The following TRPC5 variants were observed in gnomAD, a reference collection of about 807,000 sequenced individuals.
TRPC5 encodes the protein short transient receptor potential channel 5.
A neutral mutation model predicts 56.5 loss-of-function variants in TRPC5; 9 were observed. The ratio of observed to expected loss-of-function variants is 0.16; its 90% CI spans 0.10 to 0.28. The LOEUF is 0.28. Among genes scored for constraint, TRPC5 ranks in the 10% least tolerant of loss-of-function variants. TRPC5 has a pLI of 1.00. For synonymous variants in TRPC5, 282 were observed against 278.5 expected (o/e 1.01, Z -0.13); for missense variants, 469 against 748.9 (o/e 0.63, Z 4.36).
intron 2 of TRPC5, among the ~76,000 whole-genome samples, chrX:111,949,775 A>G (rs777008492): frequency 8.9e-6 from 1 of 112,070 alleles, no homozygotes; most frequent in South Asian, 3.7e-4. Flanking sequence ...CCACTATGGA[A>G]AACAGTGTGG....
At chrX:112,039,327 AC>A (rs1256920137) in intron 1 of TRPC5, among the ~76,000 whole-genome samples, 2 of 105,872 alleles carry the variant, frequency 1.9e-5, no homozygotes, top group Non-Finnish European at 3.9e-5. Flanking sequence ...ATTTGCTGCA[AC>A]CCCATTTTCT....
At chrX:111,923,984 T>C (rs1926193247) in intron 2 of TRPC5, among the ~76,000 whole-genome samples, 2 of 111,722 alleles carry the variant, frequency 1.8e-5, no homozygotes, top group Admixed American at 1.9e-4. Context: ...TATAAATCAA[T>C]GTGTGATTTT....
intron 1 of TRPC5, among the ~76,000 whole-genome samples, chrX:112,054,903 A>C (rs1341954218): frequency 1.8e-5 from 2 of 111,043 alleles, no homozygotes; most frequent in Admixed American, 1.9e-4. Flanking sequence ...TAGTTACCAT[A>C]GGACAGGATA....
rs751410674 is a variant in TRPC5 at position 111,912,412 on chromosome X, C to T, written c.779G>A (p.Arg260Gln). The stretch of plus-strand genomic sequence containing the variant: ...GATGATCTCCAGTTCCCTGGAGCTC[C>T]GAGCTTGGTCCAGCAGGTCTTTGGC... The part of the protein sequence containing the change: ...LFAKDLLDQA[R>Q]SSRELEIILN... Residue 260 changes from arginine to glutamine, a missense_variant, in exon 3 of 11, where the codon CGG (arginine) becomes CAG (glutamine). Physicochemically the swap from Arg to Gln is conservative, Grantham distance 43. This residue lies in a region of TRPC5 where 157 missense variants were observed against 360.0 expected (regional missense o/e 0.44). Transcript: ENST00000262839. 3.5e-5 allele frequency: 42 copies of T among 1,209,401 alleles called. No homozygotes were observed. The highest frequency in any genetic ancestry group is 3.4e-5 in the Non-Finnish European group (30 of 895,172).
At chrX:112,060,973 G>A (rs1177246852) in intron 1 of TRPC5, among the ~76,000 whole-genome samples, 2 of 112,203 alleles carry the variant, frequency 1.8e-5, no homozygotes, top group African/African-American at 3.2e-5. Context: ...CTTGGCTTTC[G>A]TCTGGACCCT....
At chrX:111,993,622 C>T (rs972371709) in intron 1 of TRPC5, among the ~76,000 whole-genome samples, 3 of 111,922 alleles carry the variant, frequency 2.7e-5, no homozygotes, top group Non-Finnish European at 5.6e-5. Flanking sequence ...TATCTCATTG[C>T]GGTTTTGATT....
At chrX:111,827,210 A>G (rs925585809) in intron 7 of TRPC5, among the ~76,000 whole-genome samples, 12 of 111,283 alleles carry the variant, frequency 1.1e-4, no homozygotes, top group African/African-American at 3.9e-4. Context: ...CCATCCTCAC[A>G]TTTCCAGCCT....
intron 1 of TRPC5, among the ~76,000 whole-genome samples, chrX:111,964,753 A>G (rs745656136): frequency 6.3e-5 from 7 of 111,369 alleles, no homozygotes; most frequent in African/African-American, 2.0e-4. Context: ...GAAATAAAAT[A>G]CTTTACAGAC....
At chrX:111,815,537 A>G (rs889773465) in intron 7 of TRPC5, among the ~76,000 whole-genome samples, 2 of 110,822 alleles carry the variant, frequency 1.8e-5, no homozygotes, top group Non-Finnish European at 3.8e-5. Flanking sequence ...CCTGACCAAC[A>G]TGGTGAAACC....
At chrX:112,059,133 T>C (rs1930405990) in intron 1 of TRPC5, among the ~76,000 whole-genome samples, 1 of 111,820 alleles carries the variant, frequency 8.9e-6, no homozygotes, top group African/African-American at 3.2e-5. Context: ...TTAACAATGT[T>C]AAATCTTAAC....
chrX:111,858,259 C>A (rs1288799412), intron 3 of TRPC5, among the ~76,000 whole-genome samples: 1 of 111,387 alleles, frequency 9.0e-6, no homozygotes, highest in Non-Finnish European at 1.9e-5. Flanking sequence ...AAGAACGCCT[C>A]AGAAAGAAGA....
intron 7 of TRPC5, among the ~76,000 whole-genome samples, chrX:111,800,890 A>G (rs1261786683): frequency 9.0e-6 from 1 of 111,617 alleles, no homozygotes; most frequent in Non-Finnish European, 1.9e-5. Context: ...TTATAAGCAG[A>G]TTATTGACTA....
chrX:111,944,896 T>C (rs1406536143), intron 2 of TRPC5, among the ~76,000 whole-genome samples: 2 of 111,132 alleles, frequency 1.8e-5, no homozygotes, highest in Non-Finnish European at 3.8e-5. Flanking sequence ...ACTTCTGACC[T>C]CTTGACCTGT....
intron 3 of TRPC5, among the ~76,000 whole-genome samples, chrX:111,897,041 C>A (rs1013573799): frequency 4.5e-5 from 5 of 111,975 alleles, no homozygotes; most frequent in Non-Finnish European, 9.4e-5. Flanking sequence ...TTGTTTAGTG[C>A]ACAACATTAT....
At chrX:112,007,048 T>TG (rs1353391782) in intron 1 of TRPC5, among the ~76,000 whole-genome samples, 1 of 107,973 alleles carries the variant, frequency 9.3e-6, no homozygotes, top group East Asian at 2.9e-4. Context: ...TATAGGGAGG[T>TG]GGGGTGGAGT....
rs1922715119 is a variant in TRPC5 at position 111,841,053 on chromosome X, G to A, written c.1701-5937C>T. Reference sequence around the variant, plus strand: ...ACTGGAATTAGGAGGAAAAGCCAGAGATAACCAATAAGAACCTTTATGACC... The same window carrying A: ...ACTGGAATTAGGAGGAAAAGCCAGAAATAACCAATAAGAACCTTTATGACC... On this transcript the variant is annotated intron_variant, in intron 6 of 10. Transcript: ENST00000262839. Among the ~76,000 whole-genome samples the A allele has an allele frequency of 2.7e-5, 3 of 112,004 alleles. No homozygotes were observed. In the Admixed American group the frequency reaches 2.8e-4, roughly 11 times the overall value.
At chrX:111,952,016 T>G (rs1049829292) in intron 2 of TRPC5, 27 bp downstream of exon 2, 33 of 1,181,780 alleles carry the variant, frequency 2.8e-5, no homozygotes, top group Non-Finnish European at 3.6e-5. Flanking sequence ...GCCTGGCTAT[T>G]TCCCAGCCTA....
At chrX:112,048,907 C>T (rs1930138659) in intron 1 of TRPC5, among the ~76,000 whole-genome samples, 1 of 112,101 alleles carries the variant, frequency 8.9e-6, no homozygotes, top group South Asian at 3.8e-4. Flanking sequence ...CTCATCCCGC[C>T]TCTCCAACAG....
intron 3 of TRPC5, among the ~76,000 whole-genome samples, chrX:111,878,197 C>A (rs1924047419): frequency 9.2e-6 from 1 of 109,080 alleles, no homozygotes; most frequent in East Asian, 2.9e-4. Context: ...AAGCATATAT[C>A]AAAATATCAC....
Sources: allele counts gnomAD v4.1 joint callset (sites outside exome capture counted in the v4.1 genomes callset), GRCh38; gene constraint gnomAD v4.1.1; regional missense constraint gnomAD v4.1.1; transcripts MANE v1.5; gene names NCBI Gene and HGNC (gene_info 2026-07-23, HGNC 2026-07-21).